The following LRRC75A variants were observed in gnomAD, a reference collection of about 807,000 sequenced individuals.
LRRC75A encodes the protein leucine-rich repeat-containing protein 75A.
A neutral mutation model predicts 26.0 loss-of-function variants in LRRC75A; 12 were observed. The observed-to-expected ratio is 0.46, with a 90% CI of 0.30 to 0.75. The LOEUF is 0.75. LRRC75A is among the 30% of genes least tolerant of loss of function. LRRC75A has a pLI of 0.08. For synonymous variants in LRRC75A, 223 were observed against 219.3 expected, an observed-to-expected ratio of 1.02 and a Z score of -0.15; for missense variants, 410 against 486.6, an observed-to-expected ratio of 0.84 and a Z score of 1.48.
intron 1 of LRRC75A, among the ~76,000 whole-genome samples, chr17:16,469,822 C>T (rs1444056374): frequency 3.3e-5 from 5 of 152,216 alleles, no homozygotes; most frequent in African/African-American, 1.2e-4. Context: ...GAGTTGCTGT[C>T]TCTGAACCGA....
At chr17:16,475,799 C>G (rs1267865433) in intron 1 of LRRC75A, among the ~76,000 whole-genome samples, 1 of 152,176 alleles carries the variant, frequency 6.6e-6, no homozygotes, top group Non-Finnish European at 1.5e-5. Context: ...ATAATCCCAG[C>G]ACTTTGGGAG....
intron 1 of LRRC75A, among the ~76,000 whole-genome samples, chr17:16,472,446 G>A (rs1027548179): frequency 2.6e-5 from 4 of 152,238 alleles, no homozygotes; most frequent in Non-Finnish European, 4.4e-5. Flanking sequence ...GGAGGGGTAC[G>A]TGGGGTGCAA....
intron 3 of LRRC75A, 82 bp downstream of exon 3, chr17:16,447,758 GCCCTT>G (rs748844648): frequency 7.2e-5 from 74 of 1,021,484 alleles, no homozygotes; most frequent in Non-Finnish European, 1.0e-4. Flanking sequence ...CCATGACTCC[GCCCTT>G]CCCTTCCCTA....
At chr17:16,454,719 TAAAC>T (rs140792703) in intron 2 of LRRC75A, among the ~76,000 whole-genome samples, 3,827 of 151,930 alleles carry the variant, frequency 0.025, 159 homozygotes, top group African/African-American at 0.087. Flanking sequence ...ATAATTAAAA[TAAAC>T]AAATTCTAAC....
At chr17:16,488,060 AT>A (rs1387624494) in intron 1 of LRRC75A, among the ~76,000 whole-genome samples, 1 of 152,200 alleles carries the variant, frequency 6.6e-6, no homozygotes, top group East Asian at 1.9e-4. Context: ...TCAGTCTAAA[AT>A]TTTGAGGACT....
chr17:16,456,105 G>A (rs538445283), intron 2 of LRRC75A, among the ~76,000 whole-genome samples: 79 of 133,792 alleles, frequency 5.9e-4, no homozygotes, highest in African/African-American at 2.1e-3. Flanking sequence ...GAAGGGGAGG[G>A]GGAGGAGGAG....
chr17:16,446,490 T>A (rs1251696534), intron 3 of LRRC75A, among the ~76,000 whole-genome samples: 1 of 152,048 alleles, frequency 6.6e-6, no homozygotes, highest in African/African-American at 2.4e-5. Flanking sequence ...GCCCTGAGGC[T>A]GGAAAGGGAC....
At chr17:16,479,476 G>A (rs899347794) in intron 1 of LRRC75A, among the ~76,000 whole-genome samples, 11 of 152,346 alleles carry the variant, frequency 7.2e-5, no homozygotes, top group Middle Eastern at 3.4e-3. Context: ...AAGGGTGTCT[G>A]AGCGGGGCTG....
intron 1 of LRRC75A, among the ~76,000 whole-genome samples, chr17:16,488,969 C>T (rs2093852148): frequency 6.6e-6 from 1 of 152,106 alleles, no homozygotes. Flanking sequence ...GAGCAAGTCA[C>T]AGCAGGGAGA....
chr17:16,447,776 T>C (rs2093598320), intron 3 of LRRC75A, 69 bp downstream of exon 3: 1 of 1,222,158 alleles, frequency 8.2e-7, no homozygotes, highest in East Asian at 2.6e-5. Flanking sequence ...CTTCCCTACA[T>C]CCCTGGGAGG....
intron 2 of LRRC75A, among the ~76,000 whole-genome samples, chr17:16,456,397 AAGGAGGAAG>A (rs2093684892): frequency 9.5e-6 from 1 of 105,372 alleles, no homozygotes; most frequent in African/African-American, 3.7e-5. Context: ...GAAGAAGGAA[AAGGAGGAAG>A]AGGAGGAGGA....
At position 16,443,865 on chromosome 17, in the gene LRRC75A, A is replaced by G. The variant is rs2093556131; in HGVS notation, c.758T>C (p.Ile253Thr). The change falls in exon 4 of 4, where the codon ATC becomes ACC. Residue 253 changes from isoleucine (I) to threonine (T), a missense_variant. By Grantham distance (89) the Ile-to-Thr change is moderately conservative. Transcript: ENST00000470794. ...TRAVLRDLTD[I>T]LKDPSKFPNV... The stretch of plus-strand genomic sequence containing the variant: ...GGGGAACTTGCTGGGATCCTTAAGG[A>G]TGTCAGTGAGGTCGCGCAGCACGGC... The G allele has an allele frequency of 1.9e-6, 3 of 1,613,524 alleles. No homozygotes were observed.
chr17:16,453,423 AC>A (rs1324364583), intron 2 of LRRC75A, among the ~76,000 whole-genome samples: 1 of 152,150 alleles, frequency 6.6e-6, no homozygotes, highest in Non-Finnish European at 1.5e-5. Context: ...GCAGCCACGC[AC>A]AGGGCCAGGC....
At position 16,491,903 on chromosome 17, in the gene LRRC75A, A is replaced by G; in HGVS notation, c.88T>C (p.Trp30Arg). Residue 30 changes from tryptophan (W) to arginine (R), a missense_variant, in exon 1 of 4, where the codon TGG becomes CGG. Physicochemically the swap from Trp to Arg is moderately radical, Grantham distance 101. Coordinates refer to ENST00000470794, the MANE Select transcript of LRRC75A (RefSeq NM_001113567.3). The surrounding 1 kb of genome is among the most constrained non-coding windows in gnomAD (Gnocchi z 5.9). ...PGPRRERPDF[W>R]ASLLLRAGDK... ...CCGGCGCGCAGCAGCAGCGACGCCC[A>G]GAAGTCCGGCCGTTCGCGTCGGGGG... is the stretch of plus-strand genomic sequence containing the variant. 1 of 1,297,474 alleles carries G rather than the reference A, an allele frequency of 7.7e-7. No homozygotes were observed. The highest frequency in any genetic ancestry group is 9.8e-7 in the Non-Finnish European group (1 of 1,024,504). The allele number at this position is 1,297,474 out of a possible 1,614,324, so 80.4% of individuals were successfully genotyped here. A position where few individuals can be genotyped will look rare whatever the true frequency, so the allele number is the denominator to read the frequency against.
intron 1 of LRRC75A, among the ~76,000 whole-genome samples, chr17:16,487,954 G>A (rs1478275889): frequency 1.3e-5 from 2 of 152,232 alleles, no homozygotes; most frequent in African/African-American, 4.8e-5. Context: ...GGAAAGCTGG[G>A]GTGCTGGTGA....
rs776214602 is a variant in LRRC75A, at chr17:16,462,426, C to T, written c.247-40G>A. 7.5e-5 allele frequency: 120 copies of T among 1,610,674 alleles called. No homozygotes were observed. The Middle Eastern group carries it at 1.2e-3, about 15-fold the overall frequency. Reference sequence around the variant, plus strand: ...GATGCCCAGAGGTCAGGGCTGGCTGCCCACCCAGCTCGCCCACCATCCCCA... The same window carrying T: ...GATGCCCAGAGGTCAGGGCTGGCTGTCCACCCAGCTCGCCCACCATCCCCA... On this transcript the variant is annotated intron_variant, in intron 1 of 3. Transcript: ENST00000470794. The surrounding 1 kb of genome is among the most constrained non-coding windows in gnomAD (Gnocchi z 4.6).
chr17:16,480,629 CA>C (rs749950024), intron 1 of LRRC75A, among the ~76,000 whole-genome samples: 16 of 81,418 alleles, frequency 2.0e-4, no homozygotes, highest in South Asian at 4.3e-4. Context: ...GACTTCGTCT[CA>C]AAAAAAAAAA....
intron 2 of LRRC75A, among the ~76,000 whole-genome samples, chr17:16,453,584 T>C (rs554019271): frequency 2.6e-5 from 4 of 152,250 alleles, no homozygotes; most frequent in African/African-American, 9.6e-5. Flanking sequence ...GAGAGTTCCC[T>C]TCTGCTTGTC....
At chr17:16,453,528 T>C (rs1189671099) in intron 2 of LRRC75A, among the ~76,000 whole-genome samples, 2 of 152,034 alleles carry the variant, frequency 1.3e-5, no homozygotes, top group Admixed American at 6.5e-5. Flanking sequence ...GGACACCTCA[T>C]AGAGTTGCCT....
Sources: allele counts gnomAD v4.1 joint callset (sites outside exome capture counted in the v4.1 genomes callset), GRCh38; gene constraint gnomAD v4.1.1; non-coding constraint Gnocchi (gnomAD v3.1); transcripts MANE v1.5; gene names NCBI Gene and HGNC (gene_info 2026-07-23, HGNC 2026-07-21).